DSC3: variants seen among roughly 807,000 people sequenced by gnomAD.
DSC3 encodes desmocollin-3.
Under a neutral mutation model 89.5 loss-of-function variants are expected in DSC3, and 97 were observed. That is an observed-to-expected ratio of 1.08 (90% CI 0.92 to 1.28). The LOEUF is 1.28. Among genes scored for constraint, DSC3 ranks in the 50% most tolerant of loss-of-function variants. The pLI is 0.00. For synonymous variants in DSC3, 436 were observed against 384.1 expected (o/e 1.14, Z -1.58); for missense variants, 1,199 against 1,085.3 (o/e 1.10, Z -1.47).
intron 9 of DSC3, among the ~76,000 whole-genome samples, chr18:31,012,424 A>G (rs1278223231): frequency 2.0e-5 from 3 of 152,200 alleles, no homozygotes; most frequent in African/African-American, 7.2e-5. Context: ...CTCAGGGATT[A>G]TGAATAAGAG....
chr18:31,009,090 A>C (rs922205372), intron 9 of DSC3, among the ~76,000 whole-genome samples: 3 of 152,100 alleles, frequency 2.0e-5, no homozygotes, highest in Non-Finnish European at 4.4e-5. Flanking sequence ...TCATTCTGTC[A>C]CCCAGGCTGG....
intron 14 of DSC3, among the ~76,000 whole-genome samples, chr18:30,999,215 A>G (rs1598598298): frequency 6.6e-6 from 1 of 152,276 alleles, no homozygotes; most frequent in African/African-American, 2.4e-5. Flanking sequence ...CCACCTTCCT[A>G]TCAATTTAAA....
At chr18:31,040,598 G>A (rs1333963179) in intron 1 of DSC3, among the ~76,000 whole-genome samples, 1 of 152,116 alleles carries the variant, frequency 6.6e-6, no homozygotes, top group Non-Finnish European at 1.5e-5. Context: ...AATGCAGAAT[G>A]GGAAAATTCC....
intron 1 of DSC3, among the ~76,000 whole-genome samples, chr18:31,032,943 C>G (rs1305052548): frequency 1.3e-5 from 2 of 151,958 alleles, no homozygotes; most frequent in Non-Finnish European, 2.9e-5. Context: ...TCCTAGGAAT[C>G]CACTAAAAAA....
rs1375184890 is a variant in DSC3 at position 31,032,139 on chromosome 18, C to G, written c.154+53G>C. On this transcript the variant is annotated intron_variant, in intron 2 of 15. Coordinates refer to ENST00000360428, the MANE Select transcript of DSC3 (RefSeq NM_001941.5). ...GCAAAGGTATTATATCATGCTCTTT[C>G]CAGCCTATGTAAACTAAATTTCTGC... 3 of 1,288,846 alleles carry G rather than the reference C, an allele frequency of 2.3e-6. No individual in the cohort carries two copies. The African/African-American group carries it at 4.4e-5, about 19-fold the overall frequency. The allele number at this position is 1,288,846 out of a possible 1,614,324, so 79.8% of individuals were successfully genotyped here.
chr18:31,018,915 CT>C, intron 7 of DSC3, 115 bp from the exon 8 acceptor site: 1 of 1,010,092 alleles, frequency 9.9e-7, no homozygotes, highest in Non-Finnish European at 1.5e-6. Context: ...TGTTTCCGTG[CT>C]TTTACCTGAT....
At position 31,042,740 on chromosome 18, in the gene DSC3, G is replaced by A. The variant is rs1428276217; in HGVS notation, c.-80C>T. On this transcript the variant is annotated 5_prime_UTR_variant, in exon 1 of 16. Coordinates refer to ENST00000360428, the MANE Select transcript of DSC3 (RefSeq NM_001941.5). ...AGACCTGCCGAGGTGCAGGGCGCGG[G>A]AGGTGCTTTTCTCGCCGCTGCTTGT... The A allele has an allele frequency of 7.4e-7, 1 of 1,352,258 alleles. No individual in the cohort carries two copies. Among genetic ancestry groups the A allele is most frequent in the Non-Finnish European group, 1.0e-6 (1 of 986,972 alleles). The allele number at this position is 1,352,258 out of a possible 1,614,324, so 83.8% of individuals were successfully genotyped here. A position where few individuals can be genotyped will look rare whatever the true frequency, so the allele number is the denominator to read the frequency against.
At chr18:31,025,673 A>C in intron 5 of DSC3, 87 bp downstream of exon 5, 1 of 1,375,856 alleles carries the variant, frequency 7.3e-7, no homozygotes, top group Non-Finnish European at 1.0e-6. Context: ...AAGAGAATGC[A>C]AGGAGAGAGG....
rs200793068 is a variant in DSC3 at position 31,004,243 on chromosome 18, C to A, written c.2012G>T (p.Cys671Phe). ...TKLLRVNLCE[C>F]THPTQCRATS... Reference sequence around the variant, plus strand: ...CGCACGACACTGAGTTGGATGAGTACATTCACACAGATTAACTCTCAATAA... The same window carrying A: ...CGCACGACACTGAGTTGGATGAGTAAATTCACACAGATTAACTCTCAATAA... The change falls in exon 13 of 16, where the codon TGT (cysteine) becomes TTT (phenylalanine). Residue 671 changes from cysteine (C) to phenylalanine (F), a missense_variant. Coordinates refer to ENST00000360428, the MANE Select transcript of DSC3 (RefSeq NM_001941.5). 4.3e-6 allele frequency: 7 copies of A among 1,613,874 alleles called. No homozygotes were observed. Among genetic ancestry groups the A allele is most frequent in the Non-Finnish European group, 5.9e-6 (7 of 1,179,932 alleles).
At position 31,004,061 on chromosome 18, in the gene DSC3, C is replaced by A. The variant is rs115929701; in HGVS notation, c.2113+81G>T. 4.6e-3 allele frequency: 5,104 copies of A among 1,105,454 alleles called. 177 individuals carry two copies. The African/African-American group carries it at 0.07, about 15-fold the overall frequency. 68.5% of individuals were successfully genotyped at this position (1,105,454 alleles called of 1,614,324 possible). On this transcript the variant is annotated intron_variant, in intron 13 of 15. Coordinates refer to ENST00000360428, the MANE Select transcript of DSC3 (RefSeq NM_001941.5). The stretch of plus-strand genomic sequence containing the variant: ...GACTCACATCTGATGGATGCTTGGA[C>A]GAGATTATTTTTTAAACATCTTTTC...
chr18:31,029,062 A>G (rs1196933172), intron 4 of DSC3, among the ~76,000 whole-genome samples: 1 of 152,010 alleles, frequency 6.6e-6, no homozygotes, highest in Admixed American at 6.6e-5. Context: ...TTACCACCTT[A>G]CCTCAGGGTT....
chr18:31,024,868 C>T (rs1244221497), intron 5 of DSC3, among the ~76,000 whole-genome samples: 3 of 152,146 alleles, frequency 2.0e-5, no homozygotes, highest in African/African-American at 4.8e-5. Context: ...CTAAATAAAG[C>T]AGCAATTCCC....
chr18:31,013,046 G>A (rs774505386), intron 9 of DSC3, among the ~76,000 whole-genome samples: 10 of 152,258 alleles, frequency 6.6e-5, no homozygotes, highest in Admixed American at 1.3e-4. Flanking sequence ...CACAAAGGAA[G>A]ATCACTAGGT....
intron 12 of DSC3, among the ~76,000 whole-genome samples, chr18:31,006,292 G>GTATTAGTATTATTATTATTATTATTAT (rs1984837422): frequency 6.7e-6 from 1 of 149,780 alleles, no homozygotes; most frequent in African/African-American, 2.5e-5. Context: ...CACCTCGCTG[G>GTATTAGTATTATTATTATTATTATTAT]TATTATTATT....
intron 11 of DSC3, 90 bp downstream of exon 11, chr18:31,007,926 C>G: frequency 3.3e-6 from 4 of 1,210,460 alleles, no homozygotes; most frequent in Non-Finnish European, 4.7e-6. Context: ...GAATTCCATA[C>G]ACTTACCACC....
chr18:31,005,787 A>G (rs1447349065), intron 12 of DSC3, among the ~76,000 whole-genome samples: 1 of 152,172 alleles, frequency 6.6e-6, no homozygotes, highest in Non-Finnish European at 1.5e-5. Flanking sequence ...CAGGAAAGGC[A>G]CTGCAATGCA....
chr18:31,002,866 AAC>A (rs1351988270), intron 13 of DSC3, among the ~76,000 whole-genome samples: 1 of 152,192 alleles, frequency 6.6e-6, no homozygotes, highest in Non-Finnish European at 1.5e-5. Context: ...TACAATGGAA[AAC>A]ACATGGCCTG....
intron 1 of DSC3, among the ~76,000 whole-genome samples, chr18:31,040,072 C>A (rs1220951096): frequency 2.0e-5 from 3 of 151,964 alleles, no homozygotes; most frequent in African/African-American, 7.3e-5. Flanking sequence ...TCACATTAAC[C>A]CTAACAAATA....
chr18:31,026,632 T>A (rs1163893019), intron 4 of DSC3, among the ~76,000 whole-genome samples: 1 of 152,002 alleles, frequency 6.6e-6, no homozygotes, highest in African/African-American at 2.4e-5. Flanking sequence ...TGCTGATGAG[T>A]TGGATGTGTG....
Sources: allele counts gnomAD v4.1 joint callset (sites outside exome capture counted in the v4.1 genomes callset), GRCh38; gene constraint gnomAD v4.1.1; transcripts MANE v1.5; gene names NCBI Gene and HGNC (gene_info 2026-07-23, HGNC 2026-07-21).